Variants in WDR35 observed in about 807,000 individuals in gnomAD.
WDR35 encodes WD repeat-containing protein 35.
In WDR35, 118 loss-of-function variants were observed where a neutral mutation model predicts 158.3. That is an observed-to-expected ratio of 0.75 (90% CI 0.64 to 0.87). The LOEUF (loss-of-function observed/expected upper bound fraction) is 0.87, where lower values mean the gene tolerates loss of function less well. Ranked by LOEUF, WDR35 falls within the 40% of genes least tolerant of loss-of-function variation. The pLI is 0.00. For missense variants in WDR35, 1,263 were observed against 1,405.8 expected (o/e 0.90, Z 1.62); for synonymous variants, 448 against 476.1 (o/e 0.94, Z 0.77).
At chr2:19,920,141 T>C (rs1193618556) in intron 25 of WDR35, among the ~76,000 whole-genome samples, 3 of 152,234 alleles carry the variant, frequency 2.0e-5, no homozygotes, top group Non-Finnish European at 1.5e-5. Flanking sequence ...AGCCAAATTC[T>C]ACCAGAGGTA....
chr2:19,913,748 T>C (rs1481091588), intron 26 of WDR35, 40 bp from the exon 27 acceptor site: 20 of 1,613,134 alleles, frequency 1.2e-5, no homozygotes, highest in Admixed American at 1.7e-5. Context: ...ACTTTAAAAC[T>C]TCTCATTAGT....
chr2:19,914,291 G>A lies in WDR35; in HGVS notation c.3122-14C>T, dbSNP rs1434664136. The A allele has an allele frequency of 6.2e-7, 1 of 1,613,874 alleles. No individual in the cohort carries two copies. Among genetic ancestry groups the A allele is most frequent in the East Asian group, 2.2e-5 (1 of 44,884 alleles). The stretch of plus-strand genomic sequence containing the variant: ...TCAGGTGAAGAGCTAAGAAAAACAG[G>A]GCAATTGGGGTTTTTTAAAATAATT... On this transcript the variant is annotated splice_polypyrimidine_tract_variant and intron_variant, in intron 25 of 26. Transcript: ENST00000281405.
intron 2 of WDR35, among the ~76,000 whole-genome samples, chr2:19,985,078 G>A (rs1558363090): frequency 6.6e-6 from 1 of 152,178 alleles, no homozygotes; most frequent in African/African-American, 2.4e-5. Flanking sequence ...ATATTGGAAG[G>A]TTGAGGCAAT....
At chr2:19,926,893 G>A (rs1670370535) in intron 25 of WDR35, among the ~76,000 whole-genome samples, 1 of 82,302 alleles carries the variant, frequency 1.2e-5, no homozygotes, top group Admixed American at 1.1e-4. Context: ...ATTCCGGGAG[G>A]ATCTCGAGGA....
At chr2:19,925,611 C>A (rs886941802) in intron 25 of WDR35, among the ~76,000 whole-genome samples, 2 of 152,178 alleles carry the variant, frequency 1.3e-5, no homozygotes, top group African/African-American at 4.8e-5. Context: ...TGAAGTATAT[C>A]AAAGTAGTTA....
At chr2:19,931,830 T>A (rs1670535273) in intron 23 of WDR35, among the ~76,000 whole-genome samples, 1 of 152,180 alleles carries the variant, frequency 6.6e-6, no homozygotes, top group African/African-American at 2.4e-5. Flanking sequence ...AAGAGATATT[T>A]TTCCTTTTTC....
Position 19,938,319 on chromosome 2 carries a change from A to T in WDR35, c.2009T>A (p.Val670Asp), listed in dbSNP as rs760280439. The change falls in exon 18 of 27, where the codon GTT becomes GAT. Residue 670 changes from valine (V) to aspartate (D), a missense_variant. Coordinates refer to ENST00000281405, the MANE Select transcript of WDR35 (RefSeq NM_020779.4). ...GAACTGAGATGCATCTTTAATTCCA[A>T]CCTTCTCAATCAGTGCTCGGCTATC... Reference protein sequence around the residue: ...LRDSRALIEKVGIKDASQFIE... With the variant: ...LRDSRALIEKDGIKDASQFIE... The T allele has an allele frequency of 6.2e-7, 1 of 1,614,034 alleles. No homozygotes were observed. The highest frequency in any genetic ancestry group is 1.3e-5 in the African/African-American group (1 of 75,004).
Position 19,961,245 on chromosome 2 carries a change from G to A in WDR35, c.1195-631C>T, listed in dbSNP as rs564895251. Among the ~76,000 whole-genome samples, 6 of 152,216 alleles carry A rather than the reference G, an allele frequency of 3.9e-5. No individual in the cohort carries two copies. The East Asian group carries it at 5.8e-4, about 15-fold the overall frequency. On this transcript the variant is annotated intron_variant, in intron 10 of 26. Transcript: ENST00000281405. The stretch of plus-strand genomic sequence containing the variant: ...CAAAAGGACAACTCACTTTAAGAAG[G>A]GACAAGACAAAGTAAAGATGAAACC...
chr2:19,913,928 T>C, intron 26 of WDR35, 109 bp downstream of exon 26: 2 of 1,528,340 alleles, frequency 1.3e-6, no homozygotes, highest in African/African-American at 1.4e-5. Context: ...AATGTTAATG[T>C]GAATTGCTTC....
At chr2:19,987,098 G>T (rs888802924) in intron 2 of WDR35, among the ~76,000 whole-genome samples, 3 of 152,162 alleles carry the variant, frequency 2.0e-5, no homozygotes, top group African/African-American at 7.2e-5. Flanking sequence ...TGCCATAGAA[G>T]ATGATTTATG....
At chr2:19,926,645 C>G (rs1221405561) in intron 25 of WDR35, among the ~76,000 whole-genome samples, 1 of 152,198 alleles carries the variant, frequency 6.6e-6, no homozygotes, top group Non-Finnish European at 1.5e-5. Flanking sequence ...ATTTTTTGAG[C>G]CTGCCCAAAT....
chr2:19,964,568 G>A (rs901920351), intron 10 of WDR35, among the ~76,000 whole-genome samples: 3 of 151,528 alleles, frequency 2.0e-5, no homozygotes, highest in Non-Finnish European at 4.4e-5. Context: ...TATTTTAGTA[G>A]AGACAGGGTT....
At chr2:19,979,772 TACACACAC>T (rs67421990) in intron 4 of WDR35, among the ~76,000 whole-genome samples, 24 of 146,290 alleles carry the variant, frequency 1.6e-4, no homozygotes, top group African/African-American at 3.5e-4. Context: ...TTCTATCCCC[TACACACAC>T]ACACACACAC....
chr2:19,962,477 C>T (rs1427675934), intron 10 of WDR35: 50 of 751,230 alleles, frequency 6.7e-5, no homozygotes, highest in Non-Finnish European at 1.0e-4. Flanking sequence ...GCACATTTTA[C>T]ATCACATTGT....
intron 16 of WDR35, among the ~76,000 whole-genome samples, chr2:19,945,407 A>C (rs566279433): frequency 5.9e-5 from 9 of 152,260 alleles, no homozygotes; most frequent in Admixed American, 5.2e-4. Context: ...ATGGACAAGG[A>C]AATTTGAAAA....
intron 24 of WDR35, 146 bp from the exon 25 acceptor site, chr2:19,930,698 G>A: frequency 2.5e-6 from 3 of 1,207,540 alleles, no homozygotes; most frequent in Non-Finnish European, 2.3e-6. Flanking sequence ...TTTAAGAGAT[G>A]AGGTATTACT....
At chr2:19,984,003 A>G (rs1306753283) in intron 2 of WDR35, among the ~76,000 whole-genome samples, 1 of 818 alleles carries the variant, frequency 1.2e-3, no homozygotes, top group African/African-American at 1.9e-3. Flanking sequence ...ATTCTAATGC[A>G]TATATATATA....
At chr2:19,935,979 C>T (rs926542036) in intron 20 of WDR35, among the ~76,000 whole-genome samples, 6 of 152,236 alleles carry the variant, frequency 3.9e-5, no homozygotes, top group African/African-American at 1.2e-4. Context: ...ATACTGTAGG[C>T]TCAAACAGAA....
rs138100474 is a variant in WDR35, at chr2:19,937,647, A to G, written c.2267+96T>C. 734 of 1,498,318 alleles carry G rather than the reference A, an allele frequency of 4.9e-4. 2 individuals are homozygous for G. In the African/African-American group the frequency reaches 8.9e-3, roughly 18 times the overall value. 92.8% of individuals were successfully genotyped at this position (1,498,318 alleles called of 1,614,324 possible). A position where few individuals can be genotyped will look rare whatever the true frequency, so the allele number is the denominator to read the frequency against. On this transcript the variant is annotated intron_variant, in intron 19 of 26. Coordinates refer to ENST00000281405, the MANE Select transcript of WDR35 (RefSeq NM_020779.4). The stretch of plus-strand genomic sequence containing the variant: ...TTAAAATTAATTTCTAAAAGGAACC[A>G]TATGATACACCTAACGTATTTATAG...
Sources: gnomAD v4.1 joint callset for allele counts (sites outside exome capture counted in the v4.1 genomes callset) on GRCh38, gnomAD v4.1.1 for gene constraint, MANE v1.5 for transcripts, NCBI Gene and HGNC (gene_info 2026-07-23, HGNC 2026-07-21) for gene names.